The following TMEM132D variants were observed in gnomAD, a reference collection of about 807,000 sequenced individuals.
The protein encoded by TMEM132D is transmembrane protein 132D.
In TMEM132D, 21 loss-of-function variants were observed where a neutral mutation model predicts 62.3. The observed-to-expected ratio is 0.34, with a 90% CI of 0.24 to 0.49. The LOEUF is 0.49. Among genes scored for constraint, TMEM132D ranks in the 20% least tolerant of loss-of-function variants. TMEM132D has a pLI of 0.99. For missense variants in TMEM132D, 1,346 were observed against 1,402.8 expected, an observed-to-expected ratio of 0.96 and a Z score of 0.65; for synonymous variants, 621 against 575.6, an observed-to-expected ratio of 1.08 and a Z score of -1.13.
intron 1 of TMEM132D, among the ~76,000 whole-genome samples, chr12:129,807,757 T>C (rs1389783509): frequency 6.6e-6 from 1 of 152,178 alleles, no homozygotes; most frequent in Non-Finnish European, 1.5e-5. Flanking sequence ...ATAGCCCCAT[T>C]TGGTTGAAGT....
intron 1 of TMEM132D, among the ~76,000 whole-genome samples, chr12:129,870,703 GA>G (rs1246031349): frequency 6.6e-6 from 1 of 152,182 alleles, no homozygotes; most frequent in Non-Finnish European, 1.5e-5. Flanking sequence ...AACCTAAAGA[GA>G]GGTTGTAGGA....
At chr12:129,713,873 C>T (rs1001170128) in intron 1 of TMEM132D, among the ~76,000 whole-genome samples, 3 of 152,156 alleles carry the variant, frequency 2.0e-5, no homozygotes, top group Non-Finnish European at 2.9e-5. Context: ...CAAGTGATGC[C>T]GATGTGGCTG....
At chr12:129,252,597 T>G (rs902417054) in intron 4 of TMEM132D, among the ~76,000 whole-genome samples, 3 of 152,336 alleles carry the variant, frequency 2.0e-5, no homozygotes, top group Admixed American at 6.5e-5. Context: ...TTGGTGGGAC[T>G]GTAAACTAGT....
chr12:129,699,706 C>G (rs1881328369), intron 2 of TMEM132D, 104 bp downstream of exon 2: 1 of 1,425,350 alleles, frequency 7.0e-7, no homozygotes, highest in Non-Finnish European at 9.6e-7. Flanking sequence ...GGAAGGCCGG[C>G]TCTACTTCGG....
rs79081024 is a variant in TMEM132D, at chr12:129,318,570, T to C, written c.1299+19064A>G. 9.3e-3 allele frequency among the ~76,000 whole-genome samples: 1,423 copies of C among 152,290 alleles called. 31 individuals are homozygous for C. Among genetic ancestry groups the C allele is most frequent in the African/African-American group, 0.032 (1,341 of 41,566 alleles). On this transcript the variant is annotated intron_variant, in intron 4 of 8. Transcript: ENST00000422113. ...TGGCAGGGGTGTGCAATGGATTCCA[T>C]GAGGATCTTTAGCTTTGGCTGTTTA...
intron 5 of TMEM132D, among the ~76,000 whole-genome samples, chr12:129,167,958 G>A (rs1877612840): frequency 6.6e-6 from 1 of 151,896 alleles, no homozygotes; most frequent in Non-Finnish European, 1.5e-5. Context: ...AGCTTTTAGA[G>A]GAAGAAAGCT....
chr12:129,826,200 C>T (rs1294914059), intron 1 of TMEM132D, among the ~76,000 whole-genome samples: 1 of 152,150 alleles, frequency 6.6e-6, no homozygotes, highest in African/African-American at 2.4e-5. Context: ...CCACTGTGAC[C>T]ACGGGAGCAG....
chr12:129,567,579 A>C (rs987852290), intron 2 of TMEM132D, among the ~76,000 whole-genome samples: 7 of 152,200 alleles, frequency 4.6e-5, no homozygotes, highest in Non-Finnish European at 1.0e-4. Flanking sequence ...AAAAGCAGAT[A>C]TGAGAATTTA....
chr12:129,152,805 G>A (rs1446460004), intron 5 of TMEM132D, among the ~76,000 whole-genome samples: 1 of 152,224 alleles, frequency 6.6e-6, no homozygotes, highest in Non-Finnish European at 1.5e-5. Flanking sequence ...CCCAGGCTCT[G>A]CAAACCGTTT....
Position 129,209,508 on chromosome 12 carries a change from G to T in TMEM132D, c.1443+12C>A. 1.9e-6 allele frequency: 3 copies of T among 1,613,688 alleles called. No individual in the cohort carries two copies. The highest frequency in any genetic ancestry group is 2.5e-6 in the Non-Finnish European group (3 of 1,179,736). ...AGCAGGTTTCTGCAGGGGCGGGGAG[G>T]TGTCAACTTGCCTTAATCACGTCTT... On this transcript the variant is annotated intron_variant, in intron 5 of 8. Transcript: ENST00000422113.
intron 4 of TMEM132D, among the ~76,000 whole-genome samples, chr12:129,245,079 T>C (rs1325195437): frequency 6.6e-6 from 1 of 152,130 alleles, no homozygotes; most frequent in East Asian, 1.9e-4. Flanking sequence ...ATAACTAGAG[T>C]CCATAGTTTG....
In TMEM132D at chr12:129,172,251, C is replaced by G. The variant is rs114608451; in HGVS notation, c.1443+37269G>C. Among the ~76,000 whole-genome samples the G allele has an allele frequency of 8.4e-3, 1,275 of 152,364 alleles. 27 individuals carry two copies. Among genetic ancestry groups the G allele is most frequent in the African/African-American group, 0.029 (1,214 of 41,582 alleles). On this transcript the variant is annotated intron_variant, in intron 5 of 8. Coordinates refer to ENST00000422113, the MANE Select transcript of TMEM132D (RefSeq NM_133448.3). Reference sequence around the variant, plus strand: ...TCCTCGCTCCTCTCAGCCTACATAGCCTTGCTCTGGATTAGGCTTTGGCTC... The same window carrying G: ...TCCTCGCTCCTCTCAGCCTACATAGGCTTGCTCTGGATTAGGCTTTGGCTC...
chr12:129,240,986 G>A (rs932625755), intron 4 of TMEM132D, among the ~76,000 whole-genome samples: 4 of 151,792 alleles, frequency 2.6e-5, no homozygotes, highest in South Asian at 2.1e-4. Context: ...CACGTCCATC[G>A]CAACCCACAA....
At chr12:129,442,372 C>A (rs183867707) in intron 3 of TMEM132D, among the ~76,000 whole-genome samples, 1 of 152,138 alleles carries the variant, frequency 6.6e-6, no homozygotes, top group Admixed American at 6.5e-5. Flanking sequence ...AGGCTCCATG[C>A]GTATGTGTTA....
intron 5 of TMEM132D, among the ~76,000 whole-genome samples, chr12:129,191,204 G>A (rs1878390970): frequency 6.6e-6 from 1 of 151,922 alleles, no homozygotes; most frequent in Non-Finnish European, 1.5e-5. Context: ...CCTTTTCAGT[G>A]AGGTACATAT....
Position 129,647,121 on chromosome 12 carries a change from C to CATATATAT in TMEM132D, c.968+52681_968+52688dup, listed in dbSNP as rs34158444. Among the ~76,000 whole-genome samples, 419 of 146,444 alleles carry CATATATAT rather than the reference C, an allele frequency of 2.9e-3. 1 individual carries two copies. The highest frequency in any genetic ancestry group is 9.6e-3 in the African/African-American group (386 of 40,128). ...AACCACATGTTTTTATACATACATA[C>CATATATAT]ATATATATATATATATATATACTCA... On this transcript the variant is annotated intron_variant, in intron 2 of 8. Coordinates refer to ENST00000422113, the MANE Select transcript of TMEM132D (RefSeq NM_133448.3).
chr12:129,178,330 C>T (rs147269133), intron 5 of TMEM132D, among the ~76,000 whole-genome samples: 2 of 152,078 alleles, frequency 1.3e-5, no homozygotes, highest in African/African-American at 4.8e-5. Context: ...GCCTCTAGGT[C>T]TTTGAGGAAT....
chr12:129,684,294 G>A (rs953197373), intron 2 of TMEM132D, among the ~76,000 whole-genome samples: 1 of 152,120 alleles, frequency 6.6e-6, no homozygotes, highest in Non-Finnish European at 1.5e-5. Flanking sequence ...TCTAGTGATA[G>A]TGAGTGAGTT....
intron 3 of TMEM132D, among the ~76,000 whole-genome samples, chr12:129,497,736 T>C (rs1374917353): frequency 6.6e-6 from 1 of 152,082 alleles, no homozygotes; most frequent in Non-Finnish European, 1.5e-5. Context: ...CACAGCTCGC[T>C]ACAGCCTCGA....
Sources: allele counts gnomAD v4.1 joint callset (sites outside exome capture counted in the v4.1 genomes callset), GRCh38; gene constraint gnomAD v4.1.1; transcripts MANE v1.5; gene names NCBI Gene and HGNC (gene_info 2026-07-23, HGNC 2026-07-21).